The following MICALL2 variants were observed in gnomAD, a reference collection of about 807,000 sequenced individuals.
MICALL2 encodes MICAL like 2.
A neutral mutation model predicts 91.1 loss-of-function variants in MICALL2; 111 were observed. That is an observed-to-expected ratio of 1.22 (90% confidence interval 1.04 to 1.43). The LOEUF (loss-of-function observed/expected upper bound fraction) is 1.43, where lower values mean the gene tolerates loss of function less well. Ranked by LOEUF, MICALL2 falls within the 40% of genes most tolerant of loss-of-function variation. MICALL2 has a pLI of 0.00. For missense variants in MICALL2, 1,556 were observed against 1,236.0 expected (o/e 1.26, Z -3.88); for synonymous variants, 694 against 525.3 (o/e 1.32, Z -4.39).
chr7:1,434,742 C>T, intron 16 of MICALL2, 70 bp from the exon 17 acceptor site: 1 of 1,437,534 alleles, frequency 7.0e-7, no homozygotes, highest in East Asian at 2.3e-5. Flanking sequence ...ACACAAGTCC[C>T]CCTGCCAGAA....
chr7:1,446,794 G>A lies in MICALL2; in HGVS notation c.560C>T (p.Thr187Ile). 5 of 1,605,370 alleles carry A rather than the reference G, an allele frequency of 3.1e-6. No homozygotes were observed. Among genetic ancestry groups the A allele is most frequent in the Non-Finnish European group, 4.2e-6 (5 of 1,176,594 alleles). Residue 187 changes from threonine (T) to isoleucine (I), a missense_variant, in exon 5 of 17, where the codon ACC becomes ATC. Thr to Ile is a moderately conservative substitution (Grantham distance 89). Transcript: ENST00000297508. The stretch of plus-strand genomic sequence containing the variant: ...CACGTGCTTGCCGCAGACCCCGCAG[G>A]TGCTGCTGACCAAGCTGCCCGCCAA... ...QALAGSLVSSTCGVCGKHVHL... is the reference protein window; with the variant it reads ...QALAGSLVSSICGVCGKHVHL...
intron 4 of MICALL2, 51 bp downstream of exon 4, chr7:1,447,524 C>A (rs1334809285): frequency 7.5e-6 from 9 of 1,203,214 alleles, no homozygotes; most frequent in Non-Finnish European, 9.2e-6. Flanking sequence ...CCTTCTGCAC[C>A]CCCCGGTGGA....
At chr7:1,437,757 C>A in intron 13 of MICALL2, 133 bp downstream of exon 13, 1 of 1,216,172 alleles carries the variant, frequency 8.2e-7, no homozygotes, top group Non-Finnish European at 1.2e-6. Flanking sequence ...CCACCCAGAC[C>A]GCAACGAGGT....
In MICALL2 at chr7:1,442,357, G is replaced by C. The variant is rs375474896; in HGVS notation, c.1546C>G (p.Pro516Ala). 6.2e-7 allele frequency: 1 copy of C among 1,612,402 alleles called. No homozygotes were observed. The highest frequency in any genetic ancestry group is 8.5e-7 in the Non-Finnish European group (1 of 1,179,312). Residue 516 changes from proline to alanine, a missense_variant, in exon 7 of 17, where the codon CCG (proline) becomes GCG (alanine). By Grantham distance (27) the Pro-to-Ala change is conservative. Coordinates refer to ENST00000297508, the MANE Select transcript of MICALL2 (RefSeq NM_182924.4). ...CTGCTCGTGCTCAGCGGGGCTGGCG[G>C]TTCCATCCTCGAAGGGAGGCCAAGC... is the stretch of plus-strand genomic sequence containing the variant. ...RVLGLPSRME[P>A]PAPLSTSSTS...
At chr7:1,440,836 C>G (rs748259073) in intron 7 of MICALL2, 152 bp from the exon 8 acceptor site, 1 of 645,864 alleles carries the variant, frequency 1.5e-6, no homozygotes, top group Non-Finnish European at 2.8e-6. Context: ...TCAGGAGCAC[C>G]GGGCAGGGAG....
At chr7:1,455,339 A>C (rs1422024800) in intron 1 of MICALL2, among the ~76,000 whole-genome samples, 1 of 152,148 alleles carries the variant, frequency 6.6e-6, no homozygotes, top group African/African-American at 2.4e-5. Context: ...CTGGCTGCCC[A>C]GCTGCCCTGT....
At chr7:1,438,598 C>T (rs1031386360) in intron 10 of MICALL2, 19 of 1,421,790 alleles carry the variant, frequency 1.3e-5, no homozygotes, top group Middle Eastern at 2.6e-4. Flanking sequence ...ACCCCAGTCC[C>T]TCAAGCTGCC....
intron 16 of MICALL2, 117 bp downstream of exon 16, chr7:1,434,984 C>G: frequency 8.9e-6 from 4 of 449,042 alleles, no homozygotes; most frequent in East Asian, 4.0e-5. Context: ...ACCCGATACC[C>G]GCCCCCCCCC....
chr7:1,446,647 G>A, intron 5 of MICALL2, 66 bp downstream of exon 5: 1 of 1,217,994 alleles, frequency 8.2e-7, no homozygotes, highest in Non-Finnish European at 1.2e-6. Context: ...GGAGGCGATG[G>A]GAGCTGTGGG....
At chr7:1,437,391 G>T (rs541996330) in intron 14 of MICALL2, 144 bp downstream of exon 14, 35 of 624,978 alleles carry the variant, frequency 5.6e-5, no homozygotes, top group Non-Finnish European at 8.3e-5. Flanking sequence ...TGGGAGATTT[G>T]AAACTCAAAC....
At chr7:1,440,743 CAAGGGTGGCTGT>C (rs1258268813) in intron 7 of MICALL2, 59 bp from the exon 8 acceptor site, 2 of 1,450,566 alleles carry the variant, frequency 1.4e-6, no homozygotes, top group Non-Finnish European at 1.9e-6. Flanking sequence ...GGGGTGTCTG[CAAGGGTGGCTGT>C]GCCTCCCCCT....
intron 16 of MICALL2, 89 bp downstream of exon 16, chr7:1,435,012 C>T: frequency 1.8e-6 from 1 of 554,790 alleles, no homozygotes; most frequent in Non-Finnish European, 3.0e-6. Flanking sequence ...AGCTGGAGGC[C>T]CGGTCCACCC....
intron 10 of MICALL2, chr7:1,438,611 A>G (rs4489227): frequency 0.19 from 264,844 of 1,419,446 alleles, 29,367 homozygotes; most frequent in African/African-American, 0.52. Context: ...AAGCTGCCAG[A>G]AGCAGACATT....
chr7:1,439,687 G>A lies in MICALL2; in HGVS notation c.1966+238C>T, dbSNP rs544859132. ...CACATGAACACAGATGTACACATGC[G>A]CACACATGCATCACGCATGGATACA... is the stretch of plus-strand genomic sequence containing the variant. On this transcript the variant is annotated intron_variant, in intron 9 of 16. Coordinates refer to ENST00000297508, the MANE Select transcript of MICALL2 (RefSeq NM_182924.4). The A allele has an allele frequency of 2.3e-3, 952 of 417,198 alleles. 2 individuals are homozygous for A. The highest frequency in any genetic ancestry group is 3.1e-3 in the Non-Finnish European group (752 of 238,906). The allele number at this position is 417,198 out of a possible 1,614,324, so 25.8% of individuals were successfully genotyped here. A position where few individuals can be genotyped will look rare whatever the true frequency, so the allele number is the denominator to read the frequency against.
At chr7:1,439,079 C>T (rs1780133074) in intron 9 of MICALL2, 84 bp from the exon 10 acceptor site, 7 of 1,113,380 alleles carry the variant, frequency 6.3e-6, no homozygotes, top group Admixed American at 2.4e-5. Flanking sequence ...GCCAACAGCT[C>T]GCTGGGTAGC....
intron 10 of MICALL2, 166 bp from the exon 11 acceptor site, chr7:1,438,519 A>C (rs1584199497): frequency 1.4e-6 from 2 of 1,436,668 alleles, no homozygotes; most frequent in Non-Finnish European, 1.8e-6. Context: ...CCCCACAGAC[A>C]CCTGAGTGGC....
intron 2 of MICALL2, among the ~76,000 whole-genome samples, chr7:1,449,048 G>C (rs915587463): frequency 1.3e-5 from 2 of 152,256 alleles, no homozygotes; most frequent in East Asian, 1.9e-4. Context: ...GAGAATCCCA[G>C]GCCCCACCCA....
Position 1,455,780 on chromosome 7 carries a change from G to C in MICALL2, c.143+3404C>G, listed in dbSNP as rs754310908. Among the ~76,000 whole-genome samples, 2 of 151,972 alleles carry C rather than the reference G, an allele frequency of 1.3e-5. 1 individual carries two copies. Among genetic ancestry groups the C allele is most frequent in the Non-Finnish European group, 2.9e-5 (2 of 67,878 alleles). ...TCTGCGTGCAGCAGGAAGGACTAAG[G>C]CCAGACAAAGGGAAGGACTTCCTGG... On this transcript the variant is annotated intron_variant, in intron 1 of 16. Coordinates refer to ENST00000297508, the MANE Select transcript of MICALL2 (RefSeq NM_182924.4).
intron 2 of MICALL2, 105 bp from the exon 3 acceptor site, chr7:1,448,866 G>T: frequency 7.1e-7 from 1 of 1,408,046 alleles, no homozygotes; most frequent in South Asian, 1.3e-5. Context: ...AGCCCAAAGA[G>T]GCGTGGGTTG....
Sources: gnomAD v4.1 joint callset for allele counts (sites outside exome capture counted in the v4.1 genomes callset) on GRCh38, gnomAD v4.1.1 for gene constraint, MANE v1.5 for transcripts, NCBI Gene and HGNC (gene_info 2026-07-23, HGNC 2026-07-21) for gene names.